Variants in SPATA6 observed in about 807,000 individuals in gnomAD.
The protein encoded by SPATA6 is spermatogenesis-associated protein 6.
A neutral mutation model predicts 65.3 loss-of-function variants in SPATA6; 56 were observed. The observed-to-expected ratio is 0.86, with a 90% CI of 0.69 to 1.07. The LOEUF is 1.07. SPATA6 is among the 50% of genes least tolerant of loss of function. SPATA6 has a pLI of 0.00. For missense variants in SPATA6, 590 were observed against 594.8 expected, an observed-to-expected ratio of 0.99 and a Z score of 0.08; for synonymous variants, 199 against 213.2, an observed-to-expected ratio of 0.93 and a Z score of 0.58.
chr1:48,367,944 T>C (rs140806426), intron 9 of SPATA6, among the ~76,000 whole-genome samples: 2,241 of 152,338 alleles, frequency 0.015, 53 homozygotes, highest in African/African-American at 0.051. Flanking sequence ...CAGTTGTTCC[T>C]TTCCATGTTT....
intron 11 of SPATA6, among the ~76,000 whole-genome samples, chr1:48,319,959 T>C (rs1341856193): frequency 1.3e-5 from 2 of 152,098 alleles, no homozygotes; most frequent in Non-Finnish European, 2.9e-5. Flanking sequence ...CACTGCTCCC[T>C]GCAGAAAAAG....
rs1207289699 is a variant in SPATA6 at position 48,347,245 on chromosome 1, C to T, written c.1194+8425G>A. On this transcript the variant is annotated intron_variant, in intron 11 of 12. Coordinates refer to ENST00000371847, the MANE Select transcript of SPATA6 (RefSeq NM_019073.4). ...ATTCACTATTCAATAAATGGTGCTG[C>T]GATGACTGGCAAGCCAAATGCAGAA... Among the ~76,000 whole-genome samples the T allele has an allele frequency of 4.0e-5, 6 of 151,286 alleles. No homozygotes were observed. The South Asian group carries it at 6.2e-4, about 16-fold the overall frequency.
intron 3 of SPATA6, among the ~76,000 whole-genome samples, chr1:48,445,329 C>T (rs932367607): frequency 6.6e-6 from 1 of 152,096 alleles, no homozygotes; most frequent in Admixed American, 6.6e-5. Context: ...CATCTATTCC[C>T]CTCCTTTCCC....
intron 11 of SPATA6, among the ~76,000 whole-genome samples, chr1:48,346,473 G>A (rs915209781): frequency 2.6e-5 from 4 of 151,928 alleles, no homozygotes; most frequent in African/African-American, 4.8e-5. Context: ...AATCCTGGAC[G>A]GAGCAATCAG....
rs770755425 is a variant in SPATA6 at position 48,395,361 on chromosome 1, G to T, written c.781-7C>A. 1 of 1,528,086 alleles carries T rather than the reference G, an allele frequency of 6.5e-7. No individual in the cohort carries two copies. Among genetic ancestry groups the T allele is most frequent in the African/African-American group, 1.4e-5 (1 of 70,732 alleles). 94.7% of individuals were successfully genotyped at this position (1,528,086 alleles called of 1,614,324 possible). ...TGGGACTTGGGGGATCAACCTAGAG[G>T]AAGCAGGATTTTTATGTAAAAGAGA... On this transcript the variant is annotated splice_polypyrimidine_tract_variant and splice_region_variant and intron_variant, in intron 7 of 12. Coordinates refer to ENST00000371847, the MANE Select transcript of SPATA6 (RefSeq NM_019073.4).
chr1:48,392,420 T>C (rs918707328), intron 8 of SPATA6, among the ~76,000 whole-genome samples: 1 of 152,148 alleles, frequency 6.6e-6, no homozygotes, highest in Non-Finnish European at 1.5e-5. Context: ...ACAAGAGATA[T>C]TGAGTTTCTT....
chr1:48,327,973 A>T (rs1192052891), intron 11 of SPATA6, among the ~76,000 whole-genome samples: 1 of 152,188 alleles, frequency 6.6e-6, no homozygotes, highest in African/African-American at 2.4e-5. Flanking sequence ...CTGAGTCTAA[A>T]ATTTTAAAAA....
intron 3 of SPATA6, among the ~76,000 whole-genome samples, chr1:48,450,342 A>G (rs1239967153): frequency 1.8e-4 from 1 of 5,600 alleles, no homozygotes; most frequent in Non-Finnish European, 7.4e-4. Context: ...GAGCCCAAGA[A>G]AAAAAAAAAA....
chr1:48,307,407 T>G (rs1304335970), intron 11 of SPATA6, among the ~76,000 whole-genome samples: 2 of 148,780 alleles, frequency 1.3e-5, no homozygotes, highest in African/African-American at 2.4e-5. Context: ...TATTCATATA[T>G]ATATAACTTG....
At chr1:48,376,712 C>T (rs1285533906) in intron 9 of SPATA6, among the ~76,000 whole-genome samples, 1 of 151,980 alleles carries the variant, frequency 6.6e-6, no homozygotes, top group African/African-American at 2.4e-5. Context: ...CGTCATTAGG[C>T]GATTTTGTCA....
chr1:48,343,336 T>A (rs899485748), intron 11 of SPATA6, among the ~76,000 whole-genome samples: 3 of 151,472 alleles, frequency 2.0e-5, no homozygotes, highest in Non-Finnish European at 4.4e-5. Flanking sequence ...CACAATTATC[T>A]AAAAAAAAGG....
chr1:48,313,570 G>A (rs1008100752), intron 11 of SPATA6, among the ~76,000 whole-genome samples: 2 of 152,140 alleles, frequency 1.3e-5, no homozygotes, highest in African/African-American at 2.4e-5. Context: ...GGAACAACTG[G>A]TACCAGCCAC....
intron 3 of SPATA6, among the ~76,000 whole-genome samples, chr1:48,427,434 C>CAAAAAAAAAAAAAAAAAA (rs760835892): frequency 1.5e-5 from 1 of 67,610 alleles, no homozygotes; most frequent in Non-Finnish European, 3.3e-5. Flanking sequence ...AAAATTGAGG[C>CAAAAAAAAAAAAAAAAAA]AAAAAAAAAA....
At chr1:48,315,675 G>A (rs1645391182) in intron 11 of SPATA6, among the ~76,000 whole-genome samples, 1 of 152,158 alleles carries the variant, frequency 6.6e-6, no homozygotes, top group African/African-American at 2.4e-5. Flanking sequence ...ACATAGTGTT[G>A]GAAGTTCTGG....
At chr1:48,271,338 A>G in the SPATA6 span, among the ~76,000 whole-genome samples, 1 of 152,162 alleles carries the variant, frequency 6.6e-6, no homozygotes, top group Non-Finnish European at 1.5e-5. Flanking sequence ...ATTTAAGAGT[A>G]TCCATTTGAA....
intron 1 of SPATA6, among the ~76,000 whole-genome samples, chr1:48,457,253 G>A (rs1428803626): frequency 6.6e-6 from 1 of 151,962 alleles, no homozygotes; most frequent in African/African-American, 2.4e-5. Flanking sequence ...CCAACATGGC[G>A]AAACCCCATC....
downstream of SPATA6, among the ~76,000 whole-genome samples, chr1:48,291,804 A>G (rs2148623433): frequency 6.6e-6 from 1 of 152,322 alleles, no homozygotes; most frequent in South Asian, 2.1e-4. Flanking sequence ...TTCTAAGAGC[A>G]AGAGTTCATG....
At chr1:48,437,175 G>C in intron 3 of SPATA6, 1 of 1,611,430 alleles carries the variant, frequency 6.2e-7, no homozygotes, top group Non-Finnish European at 8.5e-7. Flanking sequence ...CTTGGACTGA[G>C]CCAGAATGTG....
At chr1:48,465,672 C>T (rs1018704952) in intron 1 of SPATA6, among the ~76,000 whole-genome samples, 6 of 152,080 alleles carry the variant, frequency 3.9e-5, no homozygotes, top group African/African-American at 1.4e-4. Flanking sequence ...TGCACCTATA[C>T]ACAGAATCTA....
Sources: allele counts gnomAD v4.1 joint callset (sites outside exome capture counted in the v4.1 genomes callset), GRCh38; gene constraint gnomAD v4.1.1; transcripts MANE v1.5; gene names NCBI Gene and HGNC (gene_info 2026-07-23, HGNC 2026-07-21).